Variants in NAALADL2 observed in about 807,000 individuals in gnomAD.
NAALADL2 encodes inactive N-acetylated-alpha-linked acidic dipeptidase-like protein 2.
Under a neutral mutation model 87.2 loss-of-function variants are expected in NAALADL2, and 76 were observed. The ratio of observed to expected loss-of-function variants is 0.87; its 90% CI spans 0.72 to 1.05. NAALADL2 has a LOEUF of 1.05. NAALADL2 is among the 50% of genes least tolerant of loss of function. The probability of loss-of-function intolerance (pLI) is 0.00; values close to 1 mark genes in which losing one functional copy is unlikely to be tolerated. For missense variants in NAALADL2, 1,089 were observed against 945.8 expected, an observed-to-expected ratio of 1.15 and a Z score of -1.99; for synonymous variants, 354 against 331.0, an observed-to-expected ratio of 1.07 and a Z score of -0.75.
chr3:175,332,666 G>A (rs1761535705), intron 5 of NAALADL2, among the ~76,000 whole-genome samples: 1 of 152,142 alleles, frequency 6.6e-6, no homozygotes, highest in Non-Finnish European at 1.5e-5. Flanking sequence ...GTCTTTCATG[G>A]AAAATTTTCT....
chr3:175,337,517 G>T lies in NAALADL2; in HGVS notation c.1090+13192G>T, dbSNP rs1302718026. On this transcript the variant is annotated intron_variant, in intron 5 of 13. Transcript: ENST00000454872. ...AAGAGATTAGGATACAGACAGACTT[G>T]GGGGGGCCATGTGAAGCACGAACAA... Among the ~76,000 whole-genome samples the T allele has an allele frequency of 5.3e-5, 8 of 151,972 alleles. No homozygotes were observed. In the East Asian group the frequency reaches 1.2e-3, roughly 22 times the overall value.
chr3:175,283,176 A>G (rs954495513), intron 4 of NAALADL2, among the ~76,000 whole-genome samples: 1 of 152,096 alleles, frequency 6.6e-6, no homozygotes, highest in African/African-American at 2.4e-5. Context: ...ATGTGCATTA[A>G]TATTTTAAGA....
chr3:174,844,269 A>G (rs984314088), intron 3 of NAALADL2, among the ~76,000 whole-genome samples: 3 of 152,142 alleles, frequency 2.0e-5, no homozygotes, highest in Non-Finnish European at 4.4e-5. Context: ...AATTTGCCCT[A>G]TTGGTACCTG....
intron 10 of NAALADL2, among the ~76,000 whole-genome samples, chr3:175,581,755 G>A (rs981467684): frequency 2.0e-5 from 3 of 152,186 alleles, no homozygotes; most frequent in African/African-American, 4.8e-5. Context: ...TATAAAAATA[G>A]TTTTGATCTC....
chr3:175,641,731 C>G (rs185983642), intron 11 of NAALADL2, among the ~76,000 whole-genome samples: 14 of 152,256 alleles, frequency 9.2e-5, no homozygotes, highest in Non-Finnish European at 1.8e-4. Context: ...CATACGCACT[C>G]TCTTCTCAGG....
intron 9 of NAALADL2, among the ~76,000 whole-genome samples, chr3:175,546,561 C>T (rs1354028668): frequency 6.6e-6 from 1 of 152,038 alleles, no homozygotes; most frequent in African/African-American, 2.4e-5. Flanking sequence ...CCCTCAGGGG[C>T]TCTTATAAGG....
chr3:175,370,794 T>A (rs1169382658), intron 5 of NAALADL2, among the ~76,000 whole-genome samples: 1 of 152,158 alleles, frequency 6.6e-6, no homozygotes, highest in African/African-American at 2.4e-5. Context: ...CCGTAGTAAC[T>A]TTTTTTCTTT....
chr3:175,070,701 A>C (rs1231724706), intron 1 of NAALADL2, among the ~76,000 whole-genome samples: 2 of 152,048 alleles, frequency 1.3e-5, no homozygotes, highest in Non-Finnish European at 2.9e-5. Context: ...TGACTTTTTA[A>C]TGTTTGTTGA....
chr3:174,635,135 G>A (rs1300104359), intron 2 of NAALADL2, among the ~76,000 whole-genome samples: 1 of 152,136 alleles, frequency 6.6e-6, no homozygotes, highest in East Asian at 1.9e-4. Flanking sequence ...TTTGTGTAGT[G>A]ACCTTCTCAT....
chr3:175,558,592 T>C lies in NAALADL2; in HGVS notation c.1654-17449T>C, dbSNP rs138481772. 4.7e-3 allele frequency among the ~76,000 whole-genome samples: 720 copies of C among 152,326 alleles called. 2 individuals are homozygous for C. The highest frequency in any genetic ancestry group is 0.014 in the Middle Eastern group (4 of 294). ...AAGTTTTTAATCCACTTGAATTTGA[T>C]TTTTGTATATGGTGAGAGAAAGGGG... On this transcript the variant is annotated intron_variant, in intron 9 of 13. Transcript: ENST00000454872.
chr3:174,620,625 T>G (rs1482902819), intron 2 of NAALADL2, among the ~76,000 whole-genome samples: 2 of 152,072 alleles, frequency 1.3e-5, no homozygotes, highest in Non-Finnish European at 2.9e-5. Context: ...GAAAGATGTT[T>G]GATATTTTTA....
At chr3:174,747,335 T>C (rs1734357372) in intron 3 of NAALADL2, among the ~76,000 whole-genome samples, 1 of 152,010 alleles carries the variant, frequency 6.6e-6, no homozygotes, top group Non-Finnish European at 1.5e-5. Flanking sequence ...AAAAGCTCTA[T>C]ATCAGTGTTC....
At chr3:175,207,930 T>C (rs900108474) in intron 2 of NAALADL2, among the ~76,000 whole-genome samples, 1 of 152,098 alleles carries the variant, frequency 6.6e-6, no homozygotes, top group Non-Finnish European at 1.5e-5. Context: ...ATAGAATCAA[T>C]GACTTGAGGA....
chr3:174,753,566 G>A (rs943015481), intron 3 of NAALADL2, among the ~76,000 whole-genome samples: 1 of 152,138 alleles, frequency 6.6e-6, no homozygotes, highest in African/African-American at 2.4e-5. Flanking sequence ...TTTTAAAGTA[G>A]GAGTGATCTG....
At position 174,738,816 on chromosome 3, in the gene NAALADL2, G is replaced by C. The variant is rs116074817; in HGVS notation, c.-9+1070G>C. ...AATAAGTAAAAATTAAACCATTTTTGGTTTGCATTTCTTTGAATTTTATAG... is the reference window on the plus strand; with the variant it reads ...AATAAGTAAAAATTAAACCATTTTTCGTTTGCATTTCTTTGAATTTTATAG... On this transcript the variant is annotated intron_variant, in intron 3 of 3. Coordinates refer to the NAALADL2 transcript ENST00000434257. Among the ~76,000 whole-genome samples, 932 of 152,088 alleles carry C rather than the reference G, an allele frequency of 6.1e-3. 6 individuals carry two copies. The highest frequency in any genetic ancestry group is 0.021 in the African/African-American group (885 of 41,508).
chr3:175,097,314 T>C (rs1327280316), intron 2 of NAALADL2, 23 bp downstream of exon 2: 3 of 1,584,834 alleles, frequency 1.9e-6, no homozygotes, highest in African/African-American at 1.4e-5. Context: ...GAAACAGATG[T>C]TGTTTGAATG....
intron 4 of NAALADL2, among the ~76,000 whole-genome samples, chr3:175,315,394 A>G (rs932483441): frequency 2.0e-5 from 3 of 152,186 alleles, no homozygotes; most frequent in East Asian, 1.9e-4. Context: ...TGAAATATTT[A>G]TATATTTTTG....
chr3:174,872,216 C>G (rs750176367), intron 1 of NAALADL2, among the ~76,000 whole-genome samples: 1 of 152,148 alleles, frequency 6.6e-6, no homozygotes, highest in African/African-American at 2.4e-5. Context: ...TAGCTACTAA[C>G]TGGTAAACTA....
chr3:174,521,942 TA>T (rs971352854), intron 1 of NAALADL2, among the ~76,000 whole-genome samples: 3 of 151,614 alleles, frequency 2.0e-5, no homozygotes, highest in African/African-American at 4.8e-5. Flanking sequence ...AAAATTATAT[TA>T]AAAAAAATAG....
Sources: gnomAD v4.1 joint callset for allele counts (sites outside exome capture counted in the v4.1 genomes callset) on GRCh38, gnomAD v4.1.1 for gene constraint, MANE v1.5 for transcripts, NCBI Gene and HGNC (gene_info 2026-07-23, HGNC 2026-07-21) for gene names.